Variants in ATP2C2 observed in about 807,000 individuals in gnomAD.
The protein encoded by ATP2C2 is ATPase secretory pathway Ca2+ transporting 2.
Under a neutral mutation model 110.8 loss-of-function variants are expected in ATP2C2, and 171 were observed. That is an observed-to-expected ratio of 1.54 (90% CI 1.36 to 1.75). The LOEUF (loss-of-function observed/expected upper bound fraction) is 1.75, where lower values mean the gene tolerates loss of function less well. Ranked by LOEUF, ATP2C2 falls within the 40% of genes most tolerant of loss-of-function variation. The pLI, the probability that ATP2C2 is intolerant of heterozygous loss-of-function variation, is 0.00. For synonymous variants in ATP2C2, 804 were observed against 508.4 expected, an observed-to-expected ratio of 1.58 and a Z score of -7.82; for missense variants, 1,963 against 1,235.0, an observed-to-expected ratio of 1.59 and a Z score of -8.84.
At chr16:84,388,454 C>T (rs964535230) in intron 1 of ATP2C2, among the ~76,000 whole-genome samples, 2 of 152,240 alleles carry the variant, frequency 1.3e-5, no homozygotes, top group African/African-American at 4.8e-5. Flanking sequence ...AGGGTAGGGC[C>T]TGAGTTTCTG....
chr16:84,459,036 C>G, intron 21 of ATP2C2, 84 bp from the exon 22 acceptor site: 6 of 1,464,554 alleles, frequency 4.1e-6, no homozygotes, highest in East Asian at 2.3e-5. Context: ...GGGCGAGTCA[C>G]CACTGCCCCT....
chr16:84,371,587 A>G (rs998570659), intron 1 of ATP2C2, among the ~76,000 whole-genome samples: 1 of 152,212 alleles, frequency 6.6e-6, no homozygotes, highest in Non-Finnish European at 1.5e-5. Flanking sequence ...TGACCTGAAC[A>G]TTAGGGTAAG....
At chr16:84,404,834 AG>A in intron 2 of ATP2C2, 1 of 337,712 alleles carries the variant, frequency 3.0e-6, no homozygotes, top group South Asian at 2.8e-5. Flanking sequence ...TTTTTTAAGA[AG>A]AAAAGATGTG....
chr16:84,398,673 A>G, intron 2 of ATP2C2, 64 bp downstream of exon 2: 1 of 1,341,984 alleles, frequency 7.5e-7, no homozygotes, highest in Non-Finnish European at 1.0e-6. Flanking sequence ...AGAAAGCAAC[A>G]CAAAGCCCTG....
intron 1 of ATP2C2, among the ~76,000 whole-genome samples, chr16:84,390,166 C>T (rs533238792): frequency 2.7e-4 from 41 of 152,346 alleles, no homozygotes; most frequent in Middle Eastern, 3.4e-3. Context: ...AGCCCTCTAA[C>T]AGGGAAGATC....
intron 20 of ATP2C2, among the ~76,000 whole-genome samples, chr16:84,454,602 A>G (rs1910614517): frequency 6.6e-6 from 1 of 152,170 alleles, no homozygotes; most frequent in Admixed American, 6.6e-5. Context: ...AGCCCTGGGA[A>G]GAAGAAACTG....
chr16:84,446,545 G>A (rs1291436980), intron 16 of ATP2C2, 115 bp downstream of exon 16: 22 of 626,834 alleles, frequency 3.5e-5, no homozygotes, highest in South Asian at 1.3e-4. Flanking sequence ...CTTCTGTGAC[G>A]TTCCAAATAC....
At chr16:84,406,557 C>G (rs1905784548) in intron 3 of ATP2C2, 1 of 981,604 alleles carries the variant, frequency 1.0e-6, no homozygotes, top group South Asian at 4.7e-5. Context: ...TGTCTCCACT[C>G]TCCTTGAGGT....
chr16:84,415,080 C>T (rs1250433120), intron 6 of ATP2C2, among the ~76,000 whole-genome samples: 1 of 152,092 alleles, frequency 6.6e-6, no homozygotes, highest in African/African-American at 2.4e-5. Context: ...TTCCTCCCAG[C>T]TGTGATAAGG....
chr16:84,391,374 T>C (rs1279148906), intron 1 of ATP2C2, among the ~76,000 whole-genome samples: 1 of 152,226 alleles, frequency 6.6e-6, no homozygotes, highest in Non-Finnish European at 1.5e-5. Flanking sequence ...ACATACATGC[T>C]GTTATGGTCA....
chr16:84,408,301 G>A, intron 3 of ATP2C2, 104 bp from the exon 4 acceptor site: 1 of 1,080,558 alleles, frequency 9.3e-7, no homozygotes, highest in East Asian at 2.4e-5. Context: ...CTGGAAGCCT[G>A]GCCCTGAACT....
At position 84,392,475 on chromosome 16, in the gene ATP2C2, G is replaced by A. The variant is rs891896195; in HGVS notation, c.100-6024G>A. On this transcript the variant is annotated intron_variant, in intron 1 of 26. Coordinates refer to ENST00000262429, the MANE Select transcript of ATP2C2 (RefSeq NM_014861.4). ...TGCACGTTTCATCCTTGTGTTTTTC[G>A]TTTTGAGATGGAATTCTGCTCTTGT... 3.3e-5 allele frequency among the ~76,000 whole-genome samples: 5 copies of A among 152,026 alleles called. No homozygotes were observed. The East Asian group carries it at 7.7e-4, about 23-fold the overall frequency.
At chr16:84,440,534 A>G (rs886985640) in intron 13 of ATP2C2, among the ~76,000 whole-genome samples, 2 of 152,214 alleles carry the variant, frequency 1.3e-5, no homozygotes, top group East Asian at 3.8e-4. Context: ...TGGGCTGCAA[A>G]GGCTAACACG....
rs371806151 is a variant in ATP2C2, at chr16:84,387,473, T to C, written c.100-11026T>C. Among the ~76,000 whole-genome samples, 641 of 151,894 alleles carry C rather than the reference T, an allele frequency of 4.2e-3. 7 individuals are homozygous for C. Among genetic ancestry groups the C allele is most frequent in the African/African-American group, 0.015 (612 of 41,422 alleles). On this transcript the variant is annotated intron_variant, in intron 1 of 26. Transcript: ENST00000262429. ...GTTGCAGTGAGCCGAGATTGCGCCA[T>C]TGCACTCCAGCCTGGGCGACAGAGT...
intron 1 of ATP2C2, among the ~76,000 whole-genome samples, chr16:84,391,172 A>G (rs1904641902): frequency 6.6e-6 from 1 of 151,746 alleles, no homozygotes; most frequent in Non-Finnish European, 1.5e-5. Context: ...TGCCTAAATC[A>G]CCTGTGATGG....
chr16:84,447,173 A>G (rs564954114), intron 16 of ATP2C2, among the ~76,000 whole-genome samples: 1 of 151,972 alleles, frequency 6.6e-6, no homozygotes, highest in Non-Finnish European at 1.5e-5. Flanking sequence ...TCTAGAATCT[A>G]TCATGTCTGC....
chr16:84,406,919 G>T (rs189634780), intron 3 of ATP2C2, among the ~76,000 whole-genome samples: 1 of 152,112 alleles, frequency 6.6e-6, no homozygotes, highest in East Asian at 1.9e-4. Context: ...TCTCACCAAG[G>T]ATCCTCCTCC....
intron 11 of ATP2C2, among the ~76,000 whole-genome samples, chr16:84,427,880 C>T (rs1437794311): frequency 4.6e-5 from 7 of 151,948 alleles, no homozygotes; most frequent in South Asian, 2.1e-4. Flanking sequence ...GATAGGTGCA[C>T]GACTCTGCAT....
chr16:84,422,247 G>T, intron 7 of ATP2C2, 143 bp from the exon 8 acceptor site: 1 of 937,302 alleles, frequency 1.1e-6, no homozygotes, highest in Non-Finnish European at 1.6e-6. Flanking sequence ...AGGCCTCAGA[G>T]GCCGTCGTTG....
Sources: gnomAD v4.1 joint callset for allele counts (sites outside exome capture counted in the v4.1 genomes callset) on GRCh38, gnomAD v4.1.1 for gene constraint, MANE v1.5 for transcripts, NCBI Gene and HGNC (gene_info 2026-07-23, HGNC 2026-07-21) for gene names.